The following PDE6A variants were observed in gnomAD, a reference collection of about 807,000 sequenced individuals.
PDE6A encodes the protein phosphodiesterase 6A.
PDE6A carries 84 observed loss-of-function variants against 106.3 expected under a neutral mutation model. The ratio of observed to expected loss-of-function variants is 0.79; its 90% CI spans 0.66 to 0.95. The LOEUF (loss-of-function observed/expected upper bound fraction) is 0.95. Ranked by LOEUF, PDE6A falls within the 40% of genes least tolerant of loss-of-function variation. PDE6A has a pLI of 0.00. For missense variants in PDE6A, 1,052 were observed against 1,084.9 expected (o/e 0.97, Z 0.43); for synonymous variants, 394 against 386.6 (o/e 1.02, Z -0.23).
Position 149,874,641 on chromosome 5 carries a change from G to A in PDE6A, c.2136-6483C>T, listed in dbSNP as rs144891405. On this transcript the variant is annotated intron_variant, in intron 17 of 21. Coordinates refer to ENST00000255266, the MANE Select transcript of PDE6A (RefSeq NM_000440.3). ...TCAATCTCCAGCCTCTTCCCTCCCC[G>A]GAGGCTGGGGATGGGGCTGAAAGTT... 5.4e-4 allele frequency among the ~76,000 whole-genome samples: 82 copies of A among 152,158 alleles called. No individual in the cohort carries two copies. In the East Asian group the frequency reaches 0.015, roughly 28 times the overall value.
Position 149,860,913 on chromosome 5 carries a change from C to A in PDE6A, c.2565G>T (p.Lys855Asn). 1 of 1,614,140 alleles carries A rather than the reference C, an allele frequency of 6.2e-7. No individual in the cohort carries two copies. The highest frequency in any genetic ancestry group is 8.5e-7 in the Non-Finnish European group (1 of 1,179,990). ...NPSPGGATTSKSCCIQ is the reference protein window; with the variant it reads ...NPSPGGATTSNSCCIQ Reference sequence around the variant, plus strand: ...AGTGGTGTTACTGGATGCAGCAGGACTTGGATGTAGTTGCACCCCCTGGGC... The same window carrying A: ...AGTGGTGTTACTGGATGCAGCAGGAATTGGATGTAGTTGCACCCCCTGGGC... Residue 855 changes from lysine (K) to asparagine (N), a missense_variant, in exon 22 of 22, where the codon AAG becomes AAT. Lys to Asn is a moderately conservative substitution (Grantham distance 94, BLOSUM62 0). This residue lies in a region of PDE6A where 135 missense variants were observed against 153.2 expected (regional missense o/e 0.88). Transcript: ENST00000255266.
intron 8 of PDE6A, among the ~76,000 whole-genome samples, chr5:149,901,948 A>G (rs1041749766): frequency 2.0e-5 from 3 of 152,222 alleles, no homozygotes; most frequent in African/African-American, 7.2e-5. Flanking sequence ...TGCTAAACCA[A>G]ATCAGTAGTG....
At chr5:149,918,056 T>A (rs952831798) in intron 5 of PDE6A, among the ~76,000 whole-genome samples, 2 of 152,180 alleles carry the variant, frequency 1.3e-5, no homozygotes, top group African/African-American at 4.8e-5. Flanking sequence ...ATAAAGACCC[T>A]CCAAGCTATG....
intron 17 of PDE6A, among the ~76,000 whole-genome samples, chr5:149,873,738 G>A (rs1760638698): frequency 6.6e-6 from 1 of 152,168 alleles, no homozygotes; most frequent in Admixed American, 6.5e-5. Context: ...GGATCTGTGA[G>A]CCTTTCCAAC....
At chr5:149,903,523 C>T (rs568339492) in intron 8 of PDE6A, 125 bp downstream of exon 8, 2 of 772,240 alleles carry the variant, frequency 2.6e-6, no homozygotes, top group East Asian at 5.0e-5. Flanking sequence ...GGAATTTTAT[C>T]CTGTCATATT....
intron 5 of PDE6A, among the ~76,000 whole-genome samples, chr5:149,916,644 T>C (rs1227446928): frequency 1.3e-5 from 2 of 152,210 alleles, no homozygotes; most frequent in African/African-American, 4.8e-5. Flanking sequence ...TGTGACTCCA[T>C]TCCCCTAGCT....
rs182421775 is a variant in PDE6A, at chr5:149,935,878, G to A, written c.475-1160C>T. On this transcript the variant is annotated intron_variant, in intron 1 of 21. Coordinates refer to ENST00000255266, the MANE Select transcript of PDE6A (RefSeq NM_000440.3). ...TTCTAAAACTAAGTCTGGGCCAGGCGTGGTGGTTTACGTCTATAATCCCAG... is the reference window on the plus strand; with the variant it reads ...TTCTAAAACTAAGTCTGGGCCAGGCATGGTGGTTTACGTCTATAATCCCAG... Among the ~76,000 whole-genome samples the A allele has an allele frequency of 4.8e-4, 73 of 152,334 alleles. 1 individual carries two copies. Among genetic ancestry groups the A allele is most frequent in the East Asian group, 1.9e-4 (1 of 5,184 alleles).
At chr5:149,893,379 A>T (rs908039973) in intron 13 of PDE6A, among the ~76,000 whole-genome samples, 31 of 152,330 alleles carry the variant, frequency 2.0e-4, no homozygotes, top group African/African-American at 7.2e-4. Flanking sequence ...ACAGAAACAG[A>T]TGGCATTCTA....
At chr5:149,920,936 G>A (rs1010898990) in intron 5 of PDE6A, among the ~76,000 whole-genome samples, 28 of 58,370 alleles carry the variant, frequency 4.8e-4, no homozygotes, top group Non-Finnish European at 8.7e-4. Flanking sequence ...AAGAGAGAAA[G>A]AGAGAAAAAG....
chr5:149,916,013 C>G (rs1753540230), intron 5 of PDE6A, among the ~76,000 whole-genome samples: 1 of 152,214 alleles, frequency 6.6e-6, no homozygotes, highest in Admixed American at 6.5e-5. Flanking sequence ...TGCTGTGTCA[C>G]CCAGGCTGGA....
At chr5:149,903,254 C>A (rs1168087318) in intron 8 of PDE6A, among the ~76,000 whole-genome samples, 2 of 149,662 alleles carry the variant, frequency 1.3e-5, no homozygotes, top group Non-Finnish European at 3.0e-5. Context: ...ATGTCTGAAT[C>A]TGATCATGAA....
At chr5:149,887,308 A>G (rs1752349615) in intron 13 of PDE6A, among the ~76,000 whole-genome samples, 1 of 152,248 alleles carries the variant, frequency 6.6e-6, no homozygotes, top group Admixed American at 6.5e-5. Context: ...ACACGAAAGG[A>G]CGAATACTGT....
chr5:149,916,659 A>AG (rs1753564858), intron 5 of PDE6A, among the ~76,000 whole-genome samples: 1 of 152,200 alleles, frequency 6.6e-6, no homozygotes, highest in South Asian at 2.1e-4. Context: ...CTAGCTCTCC[A>AG]GGGGAAATTC....
At chr5:149,910,029 C>G (rs1753326393) in intron 6 of PDE6A, among the ~76,000 whole-genome samples, 1 of 152,138 alleles carries the variant, frequency 6.6e-6, no homozygotes, top group Non-Finnish European at 1.5e-5. Context: ...ACAGATTCAT[C>G]TATATCTCCT....
chr5:149,877,159 A>G (rs1760771460), intron 17 of PDE6A, among the ~76,000 whole-genome samples: 1 of 152,164 alleles, frequency 6.6e-6, no homozygotes, highest in African/African-American at 2.4e-5. Context: ...GAAGTAAGAT[A>G]TTTAAATGAA....
chr5:149,890,922 G>A (rs1249321758), intron 13 of PDE6A, among the ~76,000 whole-genome samples: 2 of 152,198 alleles, frequency 1.3e-5, no homozygotes, highest in African/African-American at 4.8e-5. Context: ...TCCAAACATT[G>A]ATCCAAGTCA....
intron 17 of PDE6A, among the ~76,000 whole-genome samples, chr5:149,875,957 C>T (rs531336337): frequency 5.9e-5 from 9 of 152,172 alleles, no homozygotes; most frequent in African/African-American, 1.2e-4. Flanking sequence ...TGTGTATATA[C>T]GTGTACATGT....
chr5:149,888,207 A>G (rs1036220441), intron 13 of PDE6A, among the ~76,000 whole-genome samples: 2 of 152,110 alleles, frequency 1.3e-5, no homozygotes, highest in African/African-American at 4.8e-5. Flanking sequence ...TATTACCAAG[A>G]GACTAAAAAT....
At chr5:149,866,355 T>C (rs1760331611) in intron 19 of PDE6A, 102 bp from the exon 20 acceptor site, 1 of 846,072 alleles carries the variant, frequency 1.2e-6, no homozygotes. Context: ...TCATCATGTT[T>C]CCAGACCTGA....
Sources: gnomAD v4.1 joint callset for allele counts (sites outside exome capture counted in the v4.1 genomes callset) on GRCh38, gnomAD v4.1.1 for gene constraint, gnomAD v4.1.1 regional missense constraint, MANE v1.5 for transcripts, NCBI Gene and HGNC (gene_info 2026-07-23, HGNC 2026-07-21) for gene names.